Variants in TYR observed in about 807,000 individuals in gnomAD.
The protein encoded by TYR is LB24-AB.
A neutral mutation model predicts 51.5 loss-of-function variants in TYR; 58 were observed. That is an observed-to-expected ratio of 1.13 (90% CI 0.91 to 1.40). TYR has a LOEUF of 1.40. TYR is among the 40% of genes most tolerant of loss of function. The pLI is 0.00. For synonymous variants in TYR, 263 were observed against 235.2 expected (o/e 1.12, Z -1.08); for missense variants, 732 against 647.4 (o/e 1.13, Z -1.42).
chr11:89,191,607 T>C (rs551856809), intron 2 of TYR, among the ~76,000 whole-genome samples, 189 bp downstream of exon 2: 1 of 152,190 alleles, frequency 6.6e-6, no homozygotes, highest in African/African-American at 2.4e-5. Context: ...CGTGTTAGCT[T>C]CAGGAGCCAG....
intron 4 of TYR, among the ~76,000 whole-genome samples, chr11:89,286,772 G>A (rs947825414): frequency 1.3e-5 from 2 of 151,824 alleles, no homozygotes; most frequent in African/African-American, 4.8e-5. Context: ...TAAGAACAGA[G>A]AAATTTGCAA....
At chr11:89,236,617 A>G (rs1944118251) in intron 3 of TYR, among the ~76,000 whole-genome samples, 1 of 152,246 alleles carries the variant, frequency 6.6e-6, no homozygotes, top group Admixed American at 6.5e-5. Context: ...ATTGTGTGGC[A>G]TCTGAGCCAT....
intron 2 of TYR, among the ~76,000 whole-genome samples, chr11:89,207,217 G>C (rs1030145339): frequency 6.6e-6 from 1 of 151,888 alleles, no homozygotes. Flanking sequence ...TAAAATTGAC[G>C]AATTAGCAAG....
chr11:89,213,795 A>G (rs1943794686), intron 2 of TYR, among the ~76,000 whole-genome samples: 2 of 152,196 alleles, frequency 1.3e-5, no homozygotes, highest in Non-Finnish European at 2.9e-5. Context: ...CCACACATCT[A>G]CAAACAACAG....
chr11:89,292,065 T>C (rs1944858140), intron 4 of TYR, among the ~76,000 whole-genome samples: 1 of 152,034 alleles, frequency 6.6e-6, no homozygotes, highest in South Asian at 2.1e-4. Flanking sequence ...AAAGCACCCA[T>C]CACTGTTTAT....
intron 1 of TYR, among the ~76,000 whole-genome samples, chr11:89,182,777 T>A (rs1407311202): frequency 6.6e-6 from 1 of 152,088 alleles, no homozygotes; most frequent in Non-Finnish European, 1.5e-5. Flanking sequence ...ATGCTCAATA[T>A]AATTAGATCT....
At chr11:89,217,623 A>G (rs1031746198) in intron 2 of TYR, among the ~76,000 whole-genome samples, 1 of 152,170 alleles carries the variant, frequency 6.6e-6, no homozygotes, top group Non-Finnish European at 1.5e-5. Context: ...TTTTGAACAC[A>G]GTGAATGGAT....
chr11:89,270,657 T>C (rs766229266), intron 3 of TYR, among the ~76,000 whole-genome samples: 2 of 151,894 alleles, frequency 1.3e-5, no homozygotes, highest in African/African-American at 2.4e-5. Context: ...AAATTAGTGA[T>C]TCATAAAATG....
chr11:89,228,265 A>G (rs968307594), intron 3 of TYR, among the ~76,000 whole-genome samples: 2 of 152,182 alleles, frequency 1.3e-5, no homozygotes, highest in African/African-American at 4.8e-5. Context: ...ATCCTGGTAG[A>G]AGGTAAAGTA....
chr11:89,204,263 C>A (rs1565396668), intron 2 of TYR, among the ~76,000 whole-genome samples: 1 of 152,166 alleles, frequency 6.6e-6, no homozygotes, highest in Non-Finnish European at 1.5e-5. Context: ...CCTCTCCTAG[C>A]AAGGAAGACA....
intron 3 of TYR, among the ~76,000 whole-genome samples, chr11:89,231,112 A>C (rs1047927677): frequency 4.8e-5 from 7 of 145,702 alleles, no homozygotes; most frequent in Non-Finnish European, 7.4e-5. Flanking sequence ...TAGAGTTTGC[A>C]GTGAGCCAAG....
intron 3 of TYR, among the ~76,000 whole-genome samples, chr11:89,278,857 T>G (rs1373465339): frequency 6.6e-6 from 1 of 151,786 alleles, no homozygotes; most frequent in Non-Finnish European, 1.5e-5. Context: ...CTCCTTAGGT[T>G]CCTCTTGCCT....
At chr11:89,219,265 AAGTGTAAAG>A (rs1943875813) in intron 2 of TYR, among the ~76,000 whole-genome samples, 1 of 151,918 alleles carries the variant, frequency 6.6e-6, no homozygotes, top group Non-Finnish European at 1.5e-5. Context: ...CTTATATCCA[AAGTGTAAAG>A]AGCAGCAGAA....
At chr11:89,219,727 T>C (rs924750329) in intron 2 of TYR, among the ~76,000 whole-genome samples, 1 of 152,178 alleles carries the variant, frequency 6.6e-6, no homozygotes, top group Non-Finnish European at 1.5e-5. Context: ...ATACAATATC[T>C]TGGTGACACT....
chr11:89,287,228 A>C (rs2135326091), intron 4 of TYR, among the ~76,000 whole-genome samples: 1 of 152,030 alleles, frequency 6.6e-6, no homozygotes, highest in East Asian at 1.9e-4. Context: ...TGAAATCAAT[A>C]AATCAGTTTG....
At chr11:89,269,359 C>G (rs1944562730) in intron 3 of TYR, among the ~76,000 whole-genome samples, 2 of 151,898 alleles carry the variant, frequency 1.3e-5, no homozygotes, top group South Asian at 4.1e-4. Flanking sequence ...TGTGGCCTGG[C>G]TCATTTTATT....
chr11:89,265,325 C>T (rs1280163188), intron 3 of TYR, among the ~76,000 whole-genome samples: 1 of 151,988 alleles, frequency 6.6e-6, no homozygotes, highest in Non-Finnish European at 1.5e-5. Flanking sequence ...GTCAGACGGG[C>T]CCAAAGAGGA....
chr11:89,224,464 T>C (rs1200757407), intron 2 of TYR, among the ~76,000 whole-genome samples: 2 of 152,192 alleles, frequency 1.3e-5, no homozygotes, highest in Non-Finnish European at 2.9e-5. Context: ...AAATCTTTTT[T>C]ACAGCAGTAT....
intron 3 of TYR, among the ~76,000 whole-genome samples, chr11:89,234,673 A>T (rs1427813958): frequency 1.4e-5 from 2 of 145,032 alleles, no homozygotes; most frequent in African/African-American, 5.4e-5. Flanking sequence ...GGAGAGGGAG[A>T]GATTCAGGGG....
Sources: allele counts gnomAD v4.1 joint callset (sites outside exome capture counted in the v4.1 genomes callset), GRCh38; gene constraint gnomAD v4.1.1; transcripts MANE v1.5; gene names NCBI Gene and HGNC (gene_info 2026-07-23, HGNC 2026-07-21).